The following PHKA2 variants were observed in gnomAD, a reference collection of about 807,000 sequenced individuals.
The protein encoded by PHKA2 is phosphorylase b kinase regulatory subunit alpha, liver isoform.
In PHKA2, 31 loss-of-function variants were observed where a neutral mutation model predicts 102.0. The ratio of observed to expected loss-of-function variants is 0.30; its 90% confidence interval spans 0.23 to 0.41. PHKA2 has a LOEUF of 0.41. Among genes scored for constraint, PHKA2 ranks in the 10% least tolerant of loss-of-function variants. The pLI is 1.00. For missense variants in PHKA2, 858 were observed against 1,023.1 expected (o/e 0.84, Z 2.20); for synonymous variants, 455 against 416.2 (o/e 1.09, Z -1.13).
chrX:18,897,420 C>T, intron 29 of PHKA2, 87 bp from the exon 30 acceptor site: 3 of 914,343 alleles, frequency 3.3e-6, no homozygotes, highest in South Asian at 4.6e-5. Flanking sequence ...GCCCTGCGAC[C>T]TAGGCACAAA....
intron 5 of PHKA2, among the ~76,000 whole-genome samples, chrX:18,946,452 T>C (rs1178623459): frequency 9.0e-6 from 1 of 111,308 alleles, no homozygotes; most frequent in Non-Finnish European, 1.9e-5. Context: ...AAATGACAAG[T>C]GGTGTATTTC....
chrX:18,938,796 T>C, intron 9 of PHKA2, 47 bp from the exon 10 acceptor site: 2 of 1,114,313 alleles, frequency 1.8e-6, no homozygotes, highest in South Asian at 1.8e-5. Context: ...TCAGAATACA[T>C]ACATAATACC....
intron 19 of PHKA2, 40 bp downstream of exon 19, chrX:18,918,641 A>G: frequency 8.8e-7 from 1 of 1,137,510 alleles, no homozygotes. Context: ...CTTTGATAAA[A>G]GAAGGTATTT....
chrX:18,913,884 C>G (rs948325434), intron 19 of PHKA2, among the ~76,000 whole-genome samples: 2 of 111,988 alleles, frequency 1.8e-5, no homozygotes, highest in African/African-American at 6.5e-5. Flanking sequence ...TCTTCAGGGG[C>G]AGTAATGTAC....
At chrX:18,964,447 G>A (rs2048911034) in intron 1 of PHKA2, among the ~76,000 whole-genome samples, 1 of 112,309 alleles carries the variant, frequency 8.9e-6, no homozygotes, top group Non-Finnish European at 1.9e-5. Flanking sequence ...AGTTTCGAGG[G>A]AAGAAAGTAT....
chrX:18,946,395 T>C (rs2048579622), intron 5 of PHKA2, among the ~76,000 whole-genome samples: 1 of 110,943 alleles, frequency 9.0e-6, no homozygotes, highest in Admixed American at 9.6e-5. Context: ...GGGTGATTCA[T>C]CCTCAAAAAC....
intron 8 of PHKA2, among the ~76,000 whole-genome samples, chrX:18,940,306 C>T (rs771537015): frequency 7.1e-5 from 8 of 111,946 alleles, no homozygotes; most frequent in Non-Finnish European, 1.1e-4. Context: ...GTTCAGTGAA[C>T]GACCATGCCT....
intron 32 of PHKA2, 122 bp downstream of exon 32, chrX:18,894,081 AT>A: frequency 2.9e-6 from 2 of 686,310 alleles, no homozygotes; most frequent in East Asian, 3.5e-5. Context: ...AGTGGTTGAC[AT>A]TTTTTCCCCA....
rs1410924139 is a variant in PHKA2 at position 18,965,921 on chromosome X, T to C, written c.79-11509A>G. On this transcript the variant is annotated intron_variant, in intron 1 of 32. Transcript: ENST00000379942. ...TTTAAAGTTTCACTATTTTAACACA[T>C]AAAGTAAGGAGAATGCAACTTTGTT... Among the ~76,000 whole-genome samples, 6 of 110,803 alleles carry C rather than the reference T, an allele frequency of 5.4e-5. No individual in the cohort carries two copies. In the East Asian group the frequency reaches 1.7e-3, roughly 31 times the overall value.
intron 6 of PHKA2, among the ~76,000 whole-genome samples, chrX:18,944,605 C>G (rs2048548539): frequency 9.0e-6 from 1 of 111,576 alleles, no homozygotes; most frequent in South Asian, 3.8e-4. Context: ...ATCAGAGTAC[C>G]TTCAGGGAAA....
intron 1 of PHKA2, among the ~76,000 whole-genome samples, chrX:18,957,738 T>TTTTATATATATATATATATATATATATA (rs1556017565): frequency 4.4e-4 from 42 of 95,123 alleles, no homozygotes; most frequent in African/African-American, 1.7e-3. Context: ...TAAAACCAGA[T>TTTTATATATATATATATATATATATATA]TATATATATA....
Position 18,894,396 on chromosome X carries a change from C to A in PHKA2, c.3345G>T (p.Pro1115=), listed in dbSNP as rs201620564. The A allele has an allele frequency of 6.6e-6, 8 of 1,209,309 alleles. No individual in the cohort carries two copies. The highest frequency in any genetic ancestry group is 3.5e-5 in the African/African-American group (2 of 57,933). The change falls in exon 32 of 33, where the codon CCG becomes CCT. Residue 1115 remains proline, a synonymous_variant. Coordinates refer to ENST00000379942, the MANE Select transcript of PHKA2 (RefSeq NM_000292.3). The stretch of plus-strand genomic sequence containing the variant: ...CATGGACAGCAAACTTGATCTCATG[C>A]GGGGTCATCTACCAAAGGGACAGGC... ...LPSSTTREMT[P]HEIKFAVHVE... is the part of the protein sequence containing the mutation.
At position 18,899,262 on chromosome X, in the gene PHKA2, A is replaced by G. The variant is rs193173426; in HGVS notation, c.3058-36T>C. Reference sequence around the variant, plus strand: ...AAAAGAATCCACTCAGTTGACAGCAATGACACCAAGAGACACAGCAGAGAG... The same window carrying G: ...AAAAGAATCCACTCAGTTGACAGCAGTGACACCAAGAGACACAGCAGAGAG... On this transcript the variant is annotated intron_variant, in intron 28 of 32. Transcript: ENST00000379942. 3.6e-5 allele frequency: 40 copies of G among 1,114,967 alleles called. No individual in the cohort carries two copies. The East Asian group carries it at 1.1e-3, about 31-fold the overall frequency. The allele number at this position is 1,114,967 out of a possible 1,213,427, so 91.9% of individuals were successfully genotyped here.
chrX:18,901,417 C>T (rs1023070141), intron 27 of PHKA2, 68 bp downstream of exon 27: 9 of 700,879 alleles, frequency 1.3e-5, no homozygotes, highest in South Asian at 6.4e-5. Context: ...AGGTTTCTGT[C>T]GCTTTCTGGG....
At chrX:18,893,758 T>G (rs1472274075) in intron 32 of PHKA2, 103 bp from the exon 33 acceptor site, 20 of 778,900 alleles carry the variant, frequency 2.6e-5, no homozygotes, top group Non-Finnish European at 3.9e-5. Flanking sequence ...GGGTGAGGGT[T>G]GCTCTAGTAG....
intron 1 of PHKA2, among the ~76,000 whole-genome samples, chrX:18,957,794 A>G (rs2048806479): frequency 9.5e-6 from 1 of 105,408 alleles, no homozygotes; most frequent in Admixed American, 1.0e-4. Flanking sequence ...GTATATATAC[A>G]TATATATAAT....
chrX:18,907,813 A>G (rs2047848374), intron 22 of PHKA2, 87 bp downstream of exon 22: 2 of 1,000,597 alleles, frequency 2.0e-6, no homozygotes, highest in Non-Finnish European at 2.8e-6. Flanking sequence ...TTCACAAGTA[A>G]GAGGTATAAC....
chrX:18,959,159 G>A (rs145045802), intron 1 of PHKA2, among the ~76,000 whole-genome samples: 1 of 112,105 alleles, frequency 8.9e-6, no homozygotes, highest in East Asian at 2.8e-4. Context: ...AAATGACTTC[G>A]GTGTCCACCT....
chrX:18,980,845 C>T (rs1270893595), intron 1 of PHKA2, among the ~76,000 whole-genome samples: 1 of 111,408 alleles, frequency 9.0e-6, no homozygotes, highest in Non-Finnish European at 1.9e-5. Flanking sequence ...AGGGGCAGGC[C>T]GCCCCTTCAA....
Sources: allele counts gnomAD v4.1 joint callset (sites outside exome capture counted in the v4.1 genomes callset), GRCh38; gene constraint gnomAD v4.1.1; transcripts MANE v1.5; gene names NCBI Gene and HGNC (gene_info 2026-07-23, HGNC 2026-07-21).